The following SPMAP2L variants were observed in gnomAD, a reference collection of about 807,000 sequenced individuals.
SPMAP2L encodes sperm microtubule associated protein 2-like.
the SPMAP2L span, chr4:56,595,234 G>T: frequency 6.2e-6 from 10 of 1,611,902 alleles, no homozygotes; most frequent in Non-Finnish European, 8.5e-6. Flanking sequence ...AGGTTATGTG[G>T]GTCATGAATT....
At chr4:56,577,786 G>A in the SPMAP2L span, among the ~76,000 whole-genome samples, 1 of 152,128 alleles carries the variant, frequency 6.6e-6, no homozygotes, top group Admixed American at 6.6e-5. Context: ...TGAAAGGACA[G>A]TTATCCTGGG....
At chr4:56,595,133 T>C in the SPMAP2L span, 2 of 1,611,426 alleles carry the variant, frequency 1.2e-6, no homozygotes, top group Non-Finnish European at 1.7e-6. Flanking sequence ...GGCAAGGGCC[T>C]TAAACAAGCC....
At chr4:56,575,364 T>G in the SPMAP2L span, 1 of 980,926 alleles carries the variant, frequency 1.0e-6, no homozygotes, top group Non-Finnish European at 1.4e-6. Context: ...GCAATTAATT[T>G]CTCCTCACAT....
chr4:56,582,510 C>T, the SPMAP2L span, among the ~76,000 whole-genome samples: 2 of 152,062 alleles, frequency 1.3e-5, no homozygotes, highest in African/African-American at 4.8e-5. Flanking sequence ...GATACCACTT[C>T]ACACTTATAA....
At chr4:56,619,893 A>T in the SPMAP2L span, among the ~76,000 whole-genome samples, 1 of 152,116 alleles carries the variant, frequency 6.6e-6, no homozygotes, top group Non-Finnish European at 1.5e-5. Flanking sequence ...AAAAACAAAA[A>T]CAGAAAAAAA....
chr4:56,595,554 A>G, the SPMAP2L span: 1 of 1,436,492 alleles, frequency 7.0e-7, no homozygotes, highest in Non-Finnish European at 9.8e-7. Context: ...CTTATATTCC[A>G]GAGAGGTGGC....
the SPMAP2L span, among the ~76,000 whole-genome samples, chr4:56,546,301 G>C: frequency 6.6e-6 from 1 of 152,192 alleles, no homozygotes; most frequent in African/African-American, 2.4e-5. Context: ...ACTTGCCTTA[G>C]ATCAGAAGTT....
chr4:56,541,733 T>C, the SPMAP2L span, among the ~76,000 whole-genome samples: 2 of 152,208 alleles, frequency 1.3e-5, no homozygotes, highest in African/African-American at 2.4e-5. Context: ...TCAGTATGCA[T>C]CTCTAATTGC....
the SPMAP2L span, chr4:56,600,968 C>T: frequency 6.5e-7 from 1 of 1,535,296 alleles, no homozygotes; most frequent in Non-Finnish European, 8.7e-7. Context: ...AAACCTAGCC[C>T]CCGAACAATA....
At chr4:56,608,757 A>G in the SPMAP2L span, among the ~76,000 whole-genome samples, 1 of 152,198 alleles carries the variant, frequency 6.6e-6, no homozygotes, top group East Asian at 1.9e-4. Context: ...AGCCACCAAC[A>G]TGCAACATCA....
At chr4:56,559,232 C>T in the SPMAP2L span, among the ~76,000 whole-genome samples, 5 of 145,150 alleles carry the variant, frequency 3.4e-5, no homozygotes, top group East Asian at 1.0e-3. Flanking sequence ...ATCCGGGAGG[C>T]AGAGGTTGCA....
the SPMAP2L span, among the ~76,000 whole-genome samples, chr4:56,618,834 G>A: frequency 9.9e-5 from 15 of 152,250 alleles, no homozygotes; most frequent in Admixed American, 3.9e-4. Flanking sequence ...TCTGCCAGCC[G>A]GGGTGTTTGA....
chr4:56,534,036 A>C, the SPMAP2L span, among the ~76,000 whole-genome samples: 6 of 152,192 alleles, frequency 3.9e-5, no homozygotes, highest in African/African-American at 1.4e-4. Context: ...ATCTTTAAGA[A>C]ACCCCAAACC....
At chr4:56,613,258 C>T in the SPMAP2L span, among the ~76,000 whole-genome samples, 3 of 152,064 alleles carry the variant, frequency 2.0e-5, no homozygotes, top group African/African-American at 7.2e-5. Context: ...TTGCCAGGTG[C>T]CTTCCCTACC....
chr4:56,552,370 T>G, the SPMAP2L span, among the ~76,000 whole-genome samples: 1 of 152,338 alleles, frequency 6.6e-6, no homozygotes, highest in South Asian at 2.1e-4. Flanking sequence ...ATTCTAGAAG[T>G]GAGAATGTTG....
chr4:56,611,129 A>G, the SPMAP2L span, among the ~76,000 whole-genome samples: 1 of 152,230 alleles, frequency 6.6e-6, no homozygotes, highest in Non-Finnish European at 1.5e-5. Context: ...TTATACGAAA[A>G]AGATACTTGC....
the SPMAP2L span, among the ~76,000 whole-genome samples, chr4:56,563,266 T>TTA: frequency 2.7e-3 from 412 of 150,752 alleles, 1 homozygote; most frequent in African/African-American, 9.5e-3. Context: ...CTAATTTTTT[T>TTA]TTTTTTTTTG....
chr4:56,575,311 A>G, the SPMAP2L span, among the ~76,000 whole-genome samples: 1 of 152,196 alleles, frequency 6.6e-6, no homozygotes, highest in Admixed American at 6.5e-5. Context: ...TTTGAGTATA[A>G]TAGAAGCCAG....
chr4:56,619,942 G>A, the SPMAP2L span, among the ~76,000 whole-genome samples: 1 of 152,246 alleles, frequency 6.6e-6, no homozygotes, highest in East Asian at 1.9e-4. Flanking sequence ...AGTGGCTGTT[G>A]TAGGATGGTC....
Sources: allele counts gnomAD v4.1 joint callset (sites outside exome capture counted in the v4.1 genomes callset), GRCh38; gene constraint gnomAD v4.1.1; transcripts MANE v1.5; gene names NCBI Gene and HGNC (gene_info 2026-07-23, HGNC 2026-07-21).